The following SZT2 variants were observed in gnomAD, a reference collection of about 807,000 sequenced individuals.
SZT2 encodes the protein SZT2 subunit of KICSTOR complex.
SZT2 carries 216 observed loss-of-function variants against 404.2 expected under a neutral mutation model. That is an observed-to-expected ratio of 0.53 (90% confidence interval 0.48 to 0.60). SZT2 has a LOEUF of 0.60. SZT2 is among the 20% of genes least tolerant of loss of function. SZT2 has a pLI of 0.00. For missense variants in SZT2, 3,857 were observed against 4,459.2 expected (o/e 0.86, Z 3.85); for synonymous variants, 1,693 against 1,749.9 (o/e 0.97, Z 0.81).
intron 1 of SZT2, among the ~76,000 whole-genome samples, chr1:43,395,761 C>T (rs773647765): frequency 2.6e-4 from 39 of 152,180 alleles, no homozygotes; most frequent in Non-Finnish European, 5.0e-4. Flanking sequence ...TTCATTGTAT[C>T]ATTAGGACCC....
intron 5 of SZT2, among the ~76,000 whole-genome samples, chr1:43,415,441 A>AT (rs537435435): frequency 7.9e-5 from 12 of 151,146 alleles, no homozygotes; most frequent in African/African-American, 2.2e-4. Flanking sequence ...ATTTGTTTGC[A>AT]TTTTTTTTTA....
Position 43,398,750 on chromosome 1 carries a change from A to G in SZT2, c.28-4427A>G, listed in dbSNP as rs567720497. Among the ~76,000 whole-genome samples, 90 of 151,140 alleles carry G rather than the reference A, an allele frequency of 6.0e-4. 3 individuals carry two copies. The highest frequency in any genetic ancestry group is 5.8e-3 in the South Asian group (28 of 4,818). On this transcript the variant is annotated intron_variant, in intron 1 of 71. Transcript: ENST00000634258. ...GACTTTTCGATGGGGTGTGGTAGTCAGGAATAACTATCTACTTTTTGTAGC... is the reference window on the plus strand; with the variant it reads ...GACTTTTCGATGGGGTGTGGTAGTCGGGAATAACTATCTACTTTTTGTAGC...
rs1654101461 is a variant in SZT2 at position 43,433,152 on chromosome 1, GGT to G, written c.5767_5768del (p.Val1923ProfsTer24). ...CLPDFWLIVR[V>X]LQDRVEVYAH... is the part of the protein sequence containing the mutation. ...TGCCTGACTTCTGGCTCATTGTCCG[GGT>G]CCTGCAGGACCGTGTGGAAGTGTAT... On this transcript the variant is annotated frameshift_variant, in exon 40 of 72. Coordinates refer to ENST00000634258, the MANE Select transcript of SZT2 (RefSeq NM_001365999.1). LOFTEE classifies it high-confidence loss of function. 2 of 1,613,928 alleles carry G rather than the reference GGT, an allele frequency of 1.2e-6. No homozygotes were observed. The highest frequency in any genetic ancestry group is 1.3e-5 in the African/African-American group (1 of 74,902).
rs1404635277 is a variant in SZT2, at chr1:43,450,098, T to G, written c.10087-5T>G. ...TCTGTGTCCCCTCCTCATCTTTCACTGCAGGTTGTGCTGAATCAGAAGTTC... is the reference window on the plus strand; with the variant it reads ...TCTGTGTCCCCTCCTCATCTTTCACGGCAGGTTGTGCTGAATCAGAAGTTC... On this transcript the variant is annotated splice_polypyrimidine_tract_variant and splice_region_variant and intron_variant, in intron 70 of 71. Transcript: ENST00000634258. This position sits in a 1 kb window ranked among gnomAD's most constrained non-coding sequence, Gnocchi z 4.3. 6.2e-7 allele frequency: 1 copy of G among 1,614,024 alleles called. No individual in the cohort carries two copies. Among genetic ancestry groups the G allele is most frequent in the African/African-American group, 1.3e-5 (1 of 74,916 alleles).
In SZT2 at chr1:43,439,470, A is replaced by G. The variant is rs1402427736; in HGVS notation, c.6877+28A>G. The G allele has an allele frequency of 1.2e-6, 2 of 1,600,110 alleles. No homozygotes were observed. The highest frequency in any genetic ancestry group is 1.7e-6 in the Non-Finnish European group (2 of 1,171,868). On this transcript the variant is annotated intron_variant, in intron 49 of 71. Coordinates refer to ENST00000634258, the MANE Select transcript of SZT2 (RefSeq NM_001365999.1). The surrounding 1 kb of genome is among the most constrained non-coding windows in gnomAD (Gnocchi z 4.2). ...ACGGTGCAGGGCACGGGCCTGTGGCACCACCAGGTGAGGGAAAGCCTTTTG... is the reference window on the plus strand; with the variant it reads ...ACGGTGCAGGGCACGGGCCTGTGGCGCCACCAGGTGAGGGAAAGCCTTTTG...
Position 43,438,795 on chromosome 1 carries a change from A to G in SZT2, c.6605A>G (p.Lys2202Arg). ...ACAGTTATGCTTGTTCGGAACTGCA[A>G]GCTGACACCAGCTGATGTGGAGGTC... ...VITVMLVRNCKLTPADVEFIQ... is the reference protein window; with the variant it reads ...VITVMLVRNCRLTPADVEFIQ... Residue 2202 changes from lysine to arginine, a missense_variant, in exon 47 of 72, where the codon AAG becomes AGG. Transcript: ENST00000634258. 1 of 1,613,752 alleles carries G rather than the reference A, an allele frequency of 6.2e-7. No homozygotes were observed. The highest frequency in any genetic ancestry group is 8.5e-7 in the Non-Finnish European group (1 of 1,179,710).
chr1:43,396,905 C>G (rs546646219), intron 1 of SZT2, among the ~76,000 whole-genome samples: 1 of 152,232 alleles, frequency 6.6e-6, no homozygotes, highest in South Asian at 2.1e-4. Context: ...TTACCTTGTC[C>G]ATAAATGATT....
intron 4 of SZT2, among the ~76,000 whole-genome samples, chr1:43,408,555 T>C (rs1650620159): frequency 6.6e-6 from 1 of 152,234 alleles, no homozygotes; most frequent in Admixed American, 6.5e-5. Context: ...CATGAGCTGC[T>C]GTGCTTAGCC....
intron 1 of SZT2, among the ~76,000 whole-genome samples, chr1:43,395,595 G>A (rs1039308855): frequency 3.3e-5 from 5 of 152,206 alleles, no homozygotes; most frequent in African/African-American, 1.2e-4. Flanking sequence ...GCCACTGCAC[G>A]TGGCTGTTAC....
In SZT2 at chr1:43,437,918, G is replaced by C. The variant is rs2782648; in HGVS notation, c.6508+16G>C. 2.4e-5 allele frequency: 39 copies of C among 1,613,500 alleles called. 1 individual carries two copies. The South Asian group carries it at 4.2e-4, about 17-fold the overall frequency. ...GGGCAGGCAGGTAAGGTCTGAGGAGGGGGTAGGGGAGTCGCCACATGAGGT... is the reference window on the plus strand; with the variant it reads ...GGGCAGGCAGGTAAGGTCTGAGGAGCGGGTAGGGGAGTCGCCACATGAGGT... On this transcript the variant is annotated intron_variant, in intron 46 of 71. Transcript: ENST00000634258. The surrounding 1 kb of genome is among the most constrained non-coding windows in gnomAD (Gnocchi z 5.3).
Position 43,424,487 on chromosome 1 carries a change from C to G in SZT2, c.2471+55C>G. Reference sequence around the variant, plus strand: ...GGGGCAAGGAGAGAGCAAGTGTAGACTGGGACACTAGCAAAAAGCCTATAG... The same window carrying G: ...GGGGCAAGGAGAGAGCAAGTGTAGAGTGGGACACTAGCAAAAAGCCTATAG... On this transcript the variant is annotated intron_variant, in intron 16 of 71. Transcript: ENST00000634258. The surrounding 1 kb of genome is among the most constrained non-coding windows in gnomAD (Gnocchi z 4.1). The G allele has an allele frequency of 1.3e-6, 2 of 1,546,872 alleles. No homozygotes were observed. Among genetic ancestry groups the G allele is most frequent in the Non-Finnish European group, 1.8e-6 (2 of 1,137,532 alleles).
At chr1:43,432,248 G>A (rs1399024278) in intron 36 of SZT2, 24 bp from the exon 37 acceptor site, 4 of 1,527,262 alleles carry the variant, frequency 2.6e-6, no homozygotes, top group Non-Finnish European at 3.5e-6. Context: ...TGCCTAAACT[G>A]TGATCTTGGC....
At chr1:43,409,794 A>T (rs540107658) in intron 4 of SZT2, 2 of 169,504 alleles carry the variant, frequency 1.2e-5, no homozygotes, top group Non-Finnish European at 2.6e-5. Flanking sequence ...TTCCATGTTC[A>T]TGGATTGGAA....
At chr1:43,401,112 T>C (rs1483418162) in intron 1 of SZT2, among the ~76,000 whole-genome samples, 1 of 151,804 alleles carries the variant, frequency 6.6e-6, no homozygotes, top group Non-Finnish European at 1.5e-5. Flanking sequence ...AGTAGTAGAG[T>C]TGAGGTTTCA....
intron 52 of SZT2, 96 bp downstream of exon 52, chr1:43,440,682 G>T: frequency 7.0e-7 from 1 of 1,426,160 alleles, no homozygotes. Flanking sequence ...CATAGGCCTT[G>T]CCACAGTGTC....
At chr1:43,436,986 C>T (rs1306026226) in intron 42 of SZT2, 185 bp from the exon 43 acceptor site, 1 of 692,732 alleles carries the variant, frequency 1.4e-6, no homozygotes, top group African/African-American at 1.8e-5. Context: ...GCTATATGAC[C>T]TGTGTTCCTA....
chr1:43,452,123 C>A lies in SZT2; in HGVS notation c.*1643C>A. On this transcript the variant is annotated 3_prime_UTR_variant, in exon 72 of 72. Transcript: ENST00000634258. ...TTCCTCTGACCTAGGCTGGCAGCCT[C>A]ACGTGCTGTCCCCACTGTGCACCCC... 6.7e-7 allele frequency: 1 copy of A among 1,487,350 alleles called. No homozygotes were observed. The highest frequency in any genetic ancestry group is 9.3e-7 in the Non-Finnish European group (1 of 1,075,156). The allele number at this position is 1,487,350 out of a possible 1,614,324, so 92.1% of individuals were successfully genotyped here. A position where few individuals can be genotyped will look rare whatever the true frequency, so the allele number is the denominator to read the frequency against.
rs1245064685 is a variant in SZT2 at position 43,442,802 on chromosome 1, A to G, written c.8152-17A>G. 6.3e-7 allele frequency: 1 copy of G among 1,584,558 alleles called. No individual in the cohort carries two copies. The highest frequency in any genetic ancestry group is 1.2e-5 in the South Asian group (1 of 85,210). On this transcript the variant is annotated splice_polypyrimidine_tract_variant and intron_variant, in intron 58 of 71. Coordinates refer to ENST00000634258, the MANE Select transcript of SZT2 (RefSeq NM_001365999.1). The surrounding 1 kb of genome is among the most constrained non-coding windows in gnomAD (Gnocchi z 4.5). ...AGGGCAAAGGCTATGAACCCATTGC[A>G]ATGCTCCATCTCTCAGGAGCCAAAC... is the stretch of plus-strand genomic sequence containing the variant.
chr1:43,448,748 C>T lies in SZT2; in HGVS notation c.10086+20C>T, dbSNP rs766494117. On this transcript the variant is annotated intron_variant, in intron 70 of 71. Coordinates refer to ENST00000634258, the MANE Select transcript of SZT2 (RefSeq NM_001365999.1). The surrounding 1 kb of genome is among the most constrained non-coding windows in gnomAD (Gnocchi z 4.2). ...TACCTGGTAAGTCCCCTTGAGCTTC[C>T]TCTGAAAAGGGAAACACAGCAGAAA... 4 of 1,603,710 alleles carry T rather than the reference C, an allele frequency of 2.5e-6. No homozygotes were observed. The highest frequency in any genetic ancestry group is 3.4e-6 in the Non-Finnish European group (4 of 1,170,572).
Sources: allele counts gnomAD v4.1 joint callset (sites outside exome capture counted in the v4.1 genomes callset), GRCh38; gene constraint gnomAD v4.1.1; non-coding constraint Gnocchi (gnomAD v3.1); transcripts MANE v1.5; gene names NCBI Gene and HGNC (gene_info 2026-07-23, HGNC 2026-07-21).